VCAN: variants seen among roughly 807,000 people sequenced by gnomAD.
VCAN encodes the protein versican core protein.
A neutral mutation model predicts 245.5 loss-of-function variants in VCAN; 44 were observed. That is an observed-to-expected ratio of 0.18 (90% CI 0.14 to 0.23). The LOEUF is 0.23. VCAN is among the 10% of genes least tolerant of loss of function. The pLI is 1.00. For missense variants in VCAN, 3,793 were observed against 4,057.9 expected, an observed-to-expected ratio of 0.93 and a Z score of 1.77; for synonymous variants, 1,413 against 1,437.0, an observed-to-expected ratio of 0.98 and a Z score of 0.38.
intron 1 of VCAN, among the ~76,000 whole-genome samples, chr5:83,481,415 A>G (rs1334919973): frequency 7.2e-5 from 11 of 152,132 alleles, no homozygotes; most frequent in Admixed American, 6.5e-4. Context: ...ATAAAATACA[A>G]TCTTTTACTT....
rs3842065 is a variant in VCAN, at chr5:83,547,892, T to TATC, written c.9380-78_9380-76dup. The TATC allele has an allele frequency of 0.46, 461,816 of 997,680 alleles. 108,764 individuals carry two copies. Among genetic ancestry groups the TATC allele is most frequent in the Admixed American group, 0.5 (28,815 of 57,516 alleles). 61.8% of individuals were successfully genotyped at this position (997,680 alleles called of 1,614,324 possible). A position where few individuals can be genotyped will look rare whatever the true frequency, so the allele number is the denominator to read the frequency against. On this transcript the variant is annotated intron_variant, in intron 9 of 14. Coordinates refer to ENST00000265077, the MANE Select transcript of VCAN (RefSeq NM_004385.5). ...AAATTTAACTGGCTGTCTTGTATGT[T>TATC]ATCTTGCAACCTCACACTAAATGGA...
intron 10 of VCAN, among the ~76,000 whole-genome samples, chr5:83,552,258 C>T (rs1210398715): frequency 1.3e-5 from 2 of 152,124 alleles, no homozygotes; most frequent in African/African-American, 4.8e-5. Flanking sequence ...ATAAAGCAAA[C>T]ATTTATTTAA....
At position 83,550,206 on chromosome 5, in the gene VCAN, T is replaced by G. The variant is rs545115686; in HGVS notation, c.9493+2122T>G. Among the ~76,000 whole-genome samples the G allele has an allele frequency of 7.4e-4, 113 of 152,310 alleles. 2 individuals are homozygous for G. Among genetic ancestry groups the G allele is most frequent in the East Asian group, 3.3e-3 (17 of 5,178 alleles). ...TATATGTCAGAGAGGTTGAAAACAT[T>G]ACCTGTACAGCATCAAAAGAATAAA... is the stretch of plus-strand genomic sequence containing the variant. On this transcript the variant is annotated intron_variant, in intron 10 of 14. Coordinates refer to ENST00000265077, the MANE Select transcript of VCAN (RefSeq NM_004385.5).
intron 12 of VCAN, among the ~76,000 whole-genome samples, chr5:83,570,538 C>T (rs944351162): frequency 3.3e-5 from 5 of 152,100 alleles, no homozygotes; most frequent in African/African-American, 1.2e-4. Context: ...AGAAAAATTA[C>T]AGACATCCTC....
At chr5:83,489,845 A>G (rs1744914218) in intron 2 of VCAN, among the ~76,000 whole-genome samples, 2 of 150,372 alleles carry the variant, frequency 1.3e-5, no homozygotes, top group South Asian at 2.1e-4. Flanking sequence ...TGTTCATGTT[A>G]AACACTAAGT....
intron 6 of VCAN, among the ~76,000 whole-genome samples, chr5:83,516,827 T>C (rs893714206): frequency 6.6e-6 from 1 of 152,250 alleles, no homozygotes; most frequent in African/African-American, 2.4e-5. Flanking sequence ...TATTGTGCTT[T>C]ATAAAATTAT....
intron 12 of VCAN, 53 bp from the exon 13 acceptor site, chr5:83,572,363 C>T (rs1748318460): frequency 4.9e-5 from 79 of 1,607,702 alleles, no homozygotes; most frequent in Non-Finnish European, 6.6e-5. Flanking sequence ...CGTCGTTGCT[C>T]TTACGTTACT....
At chr5:83,577,518 C>T (rs1372919637) in intron 13 of VCAN, among the ~76,000 whole-genome samples, 1 of 152,136 alleles carries the variant, frequency 6.6e-6, no homozygotes, top group African/African-American at 2.4e-5. Flanking sequence ...GGAATATGCC[C>T]AAATTTGTGG....
chr5:83,564,130 C>T (rs1747984517), intron 12 of VCAN, among the ~76,000 whole-genome samples: 1 of 152,154 alleles, frequency 6.6e-6, no homozygotes, highest in African/African-American at 2.4e-5. Flanking sequence ...AAAGTGTTCT[C>T]TTTGTGTTTT....
chr5:83,510,162 A>G (rs1250968468), intron 5 of VCAN, among the ~76,000 whole-genome samples: 1 of 152,200 alleles, frequency 6.6e-6, no homozygotes, highest in Non-Finnish European at 1.5e-5. Context: ...ATAAAAAGCT[A>G]TGTACACCTC....
At chr5:83,498,895 T>C (rs1039282615) in intron 5 of VCAN, among the ~76,000 whole-genome samples, 1 of 152,184 alleles carries the variant, frequency 6.6e-6, no homozygotes, top group Admixed American at 6.5e-5. Context: ...TGTGTTGGTT[T>C]TGTTGGCTTC....
rs754235558 is a variant in VCAN at position 83,542,056 on chromosome 5, T to C, written c.9053T>C (p.Leu3018Ser). 10 of 1,612,866 alleles carry C rather than the reference T, an allele frequency of 6.2e-6. No individual in the cohort carries two copies. Among genetic ancestry groups the C allele is most frequent in the Non-Finnish European group, 8.5e-6 (10 of 1,179,042 alleles). The change falls in exon 8 of 15, where the codon TTA becomes TCA. Residue 3018 changes from leucine (L) to serine (S), a missense_variant. This residue lies in a region of VCAN where 3,182 missense variants were observed against 3,250.3 expected (regional missense o/e 0.98). Coordinates refer to ENST00000265077, the MANE Select transcript of VCAN (RefSeq NM_004385.5). ...ATAAACCCTGAAACTCAAGCAGCTT[T>C]AATCAGAGGGCAGGATTCCACGATA... is the stretch of plus-strand genomic sequence containing the variant. ...PEINPETQAA[L>S]IRGQDSTIAA...
rs896731319 is a variant in VCAN, at chr5:83,521,392, G to A, written c.3086G>A (p.Gly1029Glu). 17 of 1,614,112 alleles carry A rather than the reference G, an allele frequency of 1.1e-5. No homozygotes were observed. Among genetic ancestry groups the A allele is most frequent in the East Asian group, 4.5e-5 (2 of 44,880 alleles). ...ETMRTTKITE[G>E]TTQEEFPWKE... ...ATGAGAACAACAAAAATCACAGAGG[G>A]AACAACTCAGGAAGAATTCCCTTGG... Residue 1029 changes from glycine to glutamate, a missense_variant, in exon 7 of 15, where the codon GGA becomes GAA. By Grantham distance (98) the Gly-to-Glu change is moderately conservative. Around this residue, in one of 5 missense-constraint regions of VCAN, gnomAD observed 3,182 missense variants for 3,250.3 expected, o/e 0.98. Coordinates refer to ENST00000265077, the MANE Select transcript of VCAN (RefSeq NM_004385.5).
intron 2 of VCAN, among the ~76,000 whole-genome samples, chr5:83,483,958 G>T (rs1744703231): frequency 6.6e-6 from 1 of 152,160 alleles, no homozygotes; most frequent in African/African-American, 2.4e-5. Flanking sequence ...AATTTGAAAA[G>T]AATTGAGAAG....
Position 83,539,422 on chromosome 5 carries a change from T to A in VCAN, c.6419T>A (p.Phe2140Tyr), listed in dbSNP as rs1746873749. The change falls in exon 8 of 15, where the codon TTT becomes TAT. Residue 2140 changes from phenylalanine to tyrosine, a missense_variant. Physicochemically the swap from Phe to Tyr is conservative, Grantham distance 22. Transcript: ENST00000265077. ...QNSPATEQTIFDSQTFTETEL... is the reference protein window; with the variant it reads ...QNSPATEQTIYDSQTFTETEL... ...TCTCCTGCAACAGAACAAACAATCT[T>A]TGATTCACAGACATTTACTGAAACT... The A allele has an allele frequency of 1.2e-6, 2 of 1,613,788 alleles. No homozygotes were observed. Among genetic ancestry groups the A allele is most frequent in the Non-Finnish European group, 1.7e-6 (2 of 1,179,904 alleles).
At chr5:83,579,657 G>A (rs934714557) in intron 13 of VCAN, among the ~76,000 whole-genome samples, 1 of 152,178 alleles carries the variant, frequency 6.6e-6, no homozygotes, top group Non-Finnish European at 1.5e-5. Flanking sequence ...CTTAGGGACG[G>A]TGATGAAGAC....
In VCAN at chr5:83,580,553, G is replaced by T; in HGVS notation, c.*119G>T. ...GTTTGGATTTTTGGACCACCGTTCAGTCATTTTGGGTTGCCGTGCTCCCAA... is the reference window on the plus strand; with the variant it reads ...GTTTGGATTTTTGGACCACCGTTCATTCATTTTGGGTTGCCGTGCTCCCAA... On this transcript the variant is annotated 3_prime_UTR_variant, in exon 15 of 15. Transcript: ENST00000265077. The T allele has an allele frequency of 6.8e-7, 1 of 1,476,700 alleles. No homozygotes were observed. The highest frequency in any genetic ancestry group is 1.2e-5 in the South Asian group (1 of 83,000). The allele number at this position is 1,476,700 out of a possible 1,614,324, so 91.5% of individuals were successfully genotyped here.
chr5:83,530,886 T>A (rs2112428460), intron 7 of VCAN, among the ~76,000 whole-genome samples: 1 of 152,274 alleles, frequency 6.6e-6, no homozygotes, highest in South Asian at 2.1e-4. Flanking sequence ...CATGTGGTCA[T>A]CTGAGAGCTC....
At chr5:83,505,013 A>G (rs1042871403) in intron 5 of VCAN, among the ~76,000 whole-genome samples, 2 of 152,232 alleles carry the variant, frequency 1.3e-5, no homozygotes, top group African/African-American at 4.8e-5. Flanking sequence ...TGAGAATAGC[A>G]TGGGGAAGAC....
Sources: gnomAD v4.1 joint callset for allele counts (sites outside exome capture counted in the v4.1 genomes callset) on GRCh38, gnomAD v4.1.1 for gene constraint, gnomAD v4.1.1 regional missense constraint, MANE v1.5 for transcripts, NCBI Gene and HGNC (gene_info 2026-07-23, HGNC 2026-07-21) for gene names.